The following SCHIP1 variants were observed in gnomAD, a reference collection of about 807,000 sequenced individuals.
SCHIP1 encodes the protein schwannomin interacting protein 1.
Under a neutral mutation model 29.7 loss-of-function variants are expected in SCHIP1, and 8 were observed. That is an observed-to-expected ratio of 0.27 (90% CI 0.16 to 0.49). The LOEUF is 0.49. Ranked by LOEUF, SCHIP1 falls within the 20% of genes least tolerant of loss-of-function variation. The probability of loss-of-function intolerance (pLI) is 0.99; values close to 1 mark genes in which losing one functional copy is unlikely to be tolerated. For missense variants in SCHIP1, 193 were observed against 294.6 expected (o/e 0.66, Z 2.52); for synonymous variants, 76 against 94.9 (o/e 0.80, Z 1.16).
chr3:159,315,999 T>C, the SCHIP1 span, among the ~76,000 whole-genome samples: 1 of 152,054 alleles, frequency 6.6e-6, no homozygotes, highest in Non-Finnish European at 1.5e-5. Flanking sequence ...TCACATTCTT[T>C]TAATGTAAAT....
At chr3:159,423,418 C>T in the SCHIP1 span, among the ~76,000 whole-genome samples, 1 of 152,244 alleles carries the variant, frequency 6.6e-6, no homozygotes, top group African/African-American at 2.4e-5. Flanking sequence ...GCACACCTGG[C>T]TCAGAGGGTC....
At chr3:159,534,083 A>G in the SCHIP1 span, among the ~76,000 whole-genome samples, 1 of 152,162 alleles carries the variant, frequency 6.6e-6, no homozygotes, top group Admixed American at 6.5e-5. Context: ...CAACTGGACA[A>G]CAATCTAAAA....
chr3:159,433,131 G>A, the SCHIP1 span, among the ~76,000 whole-genome samples: 3 of 152,302 alleles, frequency 2.0e-5, no homozygotes, highest in East Asian at 5.8e-4. Flanking sequence ...GCAAGGGTAA[G>A]CACAGTTTGT....
At chr3:159,743,899 TAA>T in the SCHIP1 span, among the ~76,000 whole-genome samples, 2 of 152,210 alleles carry the variant, frequency 1.3e-5, no homozygotes, top group Middle Eastern at 3.2e-3. Context: ...ATATCAAAAT[TAA>T]AAGTTTAATT....
At chr3:159,506,018 A>G in the SCHIP1 span, among the ~76,000 whole-genome samples, 1 of 152,208 alleles carries the variant, frequency 6.6e-6, no homozygotes, top group East Asian at 1.9e-4. Flanking sequence ...TGGTATTTCT[A>G]GTTCTAGATC....
At chr3:159,397,286 G>A in the SCHIP1 span, among the ~76,000 whole-genome samples, 3 of 152,082 alleles carry the variant, frequency 2.0e-5, no homozygotes, top group Non-Finnish European at 2.9e-5. Context: ...GTAGCTCAGA[G>A]TAATTTGATC....
At chr3:159,590,490 C>T in the SCHIP1 span, among the ~76,000 whole-genome samples, 9 of 151,986 alleles carry the variant, frequency 5.9e-5, no homozygotes, top group South Asian at 2.1e-4. Context: ...GCAGAAGAAT[C>T]GCTTGAACCC....
chr3:159,754,685 A>T, the SCHIP1 span, among the ~76,000 whole-genome samples: 1 of 152,188 alleles, frequency 6.6e-6, no homozygotes, highest in East Asian at 1.9e-4. Flanking sequence ...GGAGGGTGCC[A>T]TTAATAATTA....
chr3:159,473,135 T>C, the SCHIP1 span, among the ~76,000 whole-genome samples: 1 of 152,222 alleles, frequency 6.6e-6, no homozygotes, highest in Non-Finnish European at 1.5e-5. Flanking sequence ...TATGCAAAGC[T>C]ATATAGCTAT....
At chr3:159,353,708 G>C in the SCHIP1 span, among the ~76,000 whole-genome samples, 5 of 152,216 alleles carry the variant, frequency 3.3e-5, no homozygotes, top group African/African-American at 1.2e-4. Context: ...TTTTTAAAAA[G>C]AGCTTAAGTA....
At chr3:159,554,015 TGTGTTTGTG>T in the SCHIP1 span, among the ~76,000 whole-genome samples, 1 of 111,098 alleles carries the variant, frequency 9.0e-6, no homozygotes, top group African/African-American at 4.8e-5. Flanking sequence ...TGTGTGTGTG[TGTGTTTGTG>T]TATGTGTGTG....
chr3:159,636,604 A>G, the SCHIP1 span, among the ~76,000 whole-genome samples: 1 of 152,234 alleles, frequency 6.6e-6, no homozygotes, highest in African/African-American at 2.4e-5. Flanking sequence ...TTCCTTTCTT[A>G]ATTTAAATGT....
chr3:159,545,713 A>AATATATT, the SCHIP1 span, among the ~76,000 whole-genome samples: 2 of 147,596 alleles, frequency 1.4e-5, no homozygotes, highest in Non-Finnish European at 3.0e-5. Flanking sequence ...TCTTTTGTAC[A>AATATATT]ATATATTATA....
the SCHIP1 span, among the ~76,000 whole-genome samples, chr3:159,756,567 A>G: frequency 1.3e-5 from 2 of 152,178 alleles, no homozygotes; most frequent in East Asian, 3.9e-4. Context: ...CATTTTCCCC[A>G]TTGTCTTGGG....
chr3:159,548,642 C>T, the SCHIP1 span, among the ~76,000 whole-genome samples: 1 of 151,888 alleles, frequency 6.6e-6, no homozygotes, highest in Non-Finnish European at 1.5e-5. Context: ...ATTGCTCTCT[C>T]TTAAGTTTAC....
chr3:159,588,083 C>G, the SCHIP1 span, among the ~76,000 whole-genome samples: 2 of 152,206 alleles, frequency 1.3e-5, no homozygotes, highest in African/African-American at 4.8e-5. Flanking sequence ...ACAGTACCAC[C>G]AACAGTGTAG....
the SCHIP1 span, among the ~76,000 whole-genome samples, chr3:159,408,073 C>T: frequency 1.4e-4 from 21 of 151,914 alleles, no homozygotes; most frequent in Non-Finnish European, 2.1e-4. Flanking sequence ...CCGAGGCAGG[C>T]GGATCACGAG....
chr3:159,406,784 TTTGC>T, the SCHIP1 span, among the ~76,000 whole-genome samples: 7 of 152,226 alleles, frequency 4.6e-5, no homozygotes, highest in African/African-American at 1.4e-4. Flanking sequence ...TAATTTTCAC[TTTGC>T]TTGCTTGTTT....
the SCHIP1 span, among the ~76,000 whole-genome samples, chr3:159,736,039 C>T: frequency 7.2e-5 from 11 of 152,052 alleles, no homozygotes; most frequent in African/African-American, 2.7e-4. Flanking sequence ...TATGTTGGAT[C>T]TGAATGCCCA....
Sources: allele counts gnomAD v4.1 joint callset (sites outside exome capture counted in the v4.1 genomes callset), GRCh38; gene constraint gnomAD v4.1.1; transcripts MANE v1.5; gene names NCBI Gene and HGNC (gene_info 2026-07-23, HGNC 2026-07-21).